The following IRAG1 variants were observed in gnomAD, a reference collection of about 807,000 sequenced individuals.
IRAG1 encodes inositol 1,4,5-triphosphate receptor associated 1.
Under a neutral mutation model 106.2 loss-of-function variants are expected in IRAG1, and 62 were observed. That is an observed-to-expected ratio of 0.58 (90% confidence interval 0.48 to 0.72). The LOEUF (loss-of-function observed/expected upper bound fraction) is 0.72. Among genes scored for constraint, IRAG1 ranks in the 30% least tolerant of loss-of-function variants. The pLI is 0.00. For missense variants in IRAG1, 1,064 were observed against 1,140.7 expected (o/e 0.93, Z 0.97); for synonymous variants, 462 against 443.9 (o/e 1.04, Z -0.51).
chr11:10,606,732 A>G lies in IRAG1; in HGVS notation c.1602+10T>C. Reference sequence around the variant, plus strand: ...GGCACTAAATTTCATAACACACTTGAGTCACTTACCTCAACTTCCTTTTCA... The same window carrying G: ...GGCACTAAATTTCATAACACACTTGGGTCACTTACCTCAACTTCCTTTTCA... On this transcript the variant is annotated intron_variant, in intron 12 of 20. Transcript: ENST00000423302. 6.3e-7 allele frequency: 1 copy of G among 1,594,346 alleles called. No homozygotes were observed. The highest frequency in any genetic ancestry group is 8.5e-7 in the Non-Finnish European group (1 of 1,169,636).
At chr11:10,627,682 C>A in intron 8 of IRAG1, 34 bp downstream of exon 8, 1 of 1,613,632 alleles carries the variant, frequency 6.2e-7, no homozygotes, top group South Asian at 1.1e-5. Flanking sequence ...CCCCCACACT[C>A]AAATCATCCA....
chr11:10,610,082 G>C (rs76620159), intron 10 of IRAG1, among the ~76,000 whole-genome samples: 124 of 152,314 alleles, frequency 8.1e-4, no homozygotes, highest in African/African-American at 2.8e-3. Context: ...TACAGAACTA[G>C]CAAATGACAT....
chr11:10,646,181 A>G (rs888897696), intron 2 of IRAG1, among the ~76,000 whole-genome samples: 1 of 152,202 alleles, frequency 6.6e-6, no homozygotes, highest in Non-Finnish European at 1.5e-5. Context: ...GTTGGCTCTG[A>G]GCCCAGCCCA....
Position 10,606,728 on chromosome 11 carries a change from C to A in IRAG1, c.1602+14G>T. Reference sequence around the variant, plus strand: ...CACGGGCACTAAATTTCATAACACACTTGAGTCACTTACCTCAACTTCCTT... The same window carrying A: ...CACGGGCACTAAATTTCATAACACAATTGAGTCACTTACCTCAACTTCCTT... On this transcript the variant is annotated intron_variant, in intron 12 of 20. Transcript: ENST00000423302. 1 of 1,593,290 alleles carries A rather than the reference C, an allele frequency of 6.3e-7. No homozygotes were observed.
intron 2 of IRAG1, 140 bp downstream of exon 2, chr11:10,651,885 C>A (rs565620105): frequency 1.9e-6 from 2 of 1,026,408 alleles, no homozygotes; most frequent in Non-Finnish European, 2.7e-6. Flanking sequence ...ATGGAAGCCA[C>A]ACACCTTCTC....
chr11:10,691,301 G>A lies in IRAG1; in HGVS notation c.67+2235C>T, dbSNP rs551843221. Among the ~76,000 whole-genome samples the A allele has an allele frequency of 9.5e-4, 144 of 152,374 alleles. 1 individual carries two copies. Among genetic ancestry groups the A allele is most frequent in the African/African-American group, 3.1e-3 (130 of 41,592 alleles). On this transcript the variant is annotated intron_variant, in intron 1 of 20. Coordinates refer to ENST00000423302, the MANE Select transcript of IRAG1 (RefSeq NM_130385.4). The stretch of plus-strand genomic sequence containing the variant: ...ATTCTGGGTGCTAGACACACAACGG[G>A]TGAGGAACGGGATAAGGTCTCCGCC...
intron 20 of IRAG1, among the ~76,000 whole-genome samples, chr11:10,579,739 G>T (rs1420044752): frequency 6.6e-6 from 1 of 152,110 alleles, no homozygotes; most frequent in Non-Finnish European, 1.5e-5. Flanking sequence ...GAGTGCCCTG[G>T]AACTAAATTA....
At chr11:10,610,767 C>T (rs1854888290) in intron 10 of IRAG1, among the ~76,000 whole-genome samples, 1 of 152,186 alleles carries the variant, frequency 6.6e-6, no homozygotes, top group Non-Finnish European at 1.5e-5. Context: ...TTTTGTGTGC[C>T]TGACTACGGG....
At chr11:10,619,112 A>G (rs1329948301) in intron 10 of IRAG1, among the ~76,000 whole-genome samples, 1 of 152,240 alleles carries the variant, frequency 6.6e-6, no homozygotes, top group Non-Finnish European at 1.5e-5. Flanking sequence ...GAACTGGCCC[A>G]CAGTCAGTCT....
At chr11:10,622,611 C>T (rs1285822246) in intron 10 of IRAG1, among the ~76,000 whole-genome samples, 1 of 152,058 alleles carries the variant, frequency 6.6e-6, no homozygotes, top group Non-Finnish European at 1.5e-5. Context: ...CTCAAGCGAT[C>T]CTCCCACCTC....
rs192795960 is a variant in IRAG1, at chr11:10,676,911, G to A, written c.67+16625C>T. Among the ~76,000 whole-genome samples, 6 of 152,336 alleles carry A rather than the reference G, an allele frequency of 3.9e-5. No homozygotes were observed. The East Asian group carries it at 1.2e-3, about 29-fold the overall frequency. On this transcript the variant is annotated intron_variant, in intron 1 of 20. Coordinates refer to ENST00000423302, the MANE Select transcript of IRAG1 (RefSeq NM_130385.4). ...GGGCGAGCGGTGTTCCTTGGCCTCT[G>A]CAGAGACGATGCCACAGCTCATCTC...
At position 10,652,016 on chromosome 11, in the gene IRAG1, G is replaced by A. The variant is rs1217420408; in HGVS notation, c.225+9C>T. 1 of 1,557,712 alleles carries A rather than the reference G, an allele frequency of 6.4e-7. No individual in the cohort carries two copies. ...CCAGGCTAGCTGAGGGCAGGGAGGG[G>A]GCACTTACTTGGCCGGCAGGGCTCT... On this transcript the variant is annotated intron_variant, in intron 2 of 20. Transcript: ENST00000423302.
At chr11:10,630,271 C>T (rs1429143561) in intron 4 of IRAG1, among the ~76,000 whole-genome samples, 5 of 152,134 alleles carry the variant, frequency 3.3e-5, no homozygotes. Context: ...CTCTTCCTCC[C>T]TCCCCCAACA....
chr11:10,626,217 C>G lies in IRAG1; in HGVS notation c.1117G>C (p.Glu373Gln). 5.0e-6 allele frequency: 8 copies of G among 1,590,678 alleles called. No homozygotes were observed. Among genetic ancestry groups the G allele is most frequent in the Non-Finnish European group, 6.9e-6 (8 of 1,166,734 alleles). The stretch of plus-strand genomic sequence containing the variant: ...GGAAGCTCAGCTTTGGAGCCAGCCT[C>G]GGGCCCCATCGGCTCTCCAGCTGGG... ...RGPAGEPMGPEAGSKAELPPT... is the reference protein window; with the variant it reads ...RGPAGEPMGPQAGSKAELPPT... The change falls in exon 9 of 21, where the codon GAG becomes CAG. Residue 373 changes from glutamate to glutamine, a missense_variant. Transcript: ENST00000423302.
intron 15 of IRAG1, chr11:10,599,933 C>T (rs1241225012): frequency 6.6e-6 from 1 of 152,234 alleles, no homozygotes; most frequent in Non-Finnish European, 1.5e-5. Flanking sequence ...TATAAACTTA[C>T]CAATGACTCC....
At chr11:10,593,971 A>C (rs763426403) in intron 16 of IRAG1, 175 bp downstream of exon 16, 10 of 637,018 alleles carry the variant, frequency 1.6e-5, no homozygotes, top group Middle Eastern at 3.2e-4. Context: ...GGAAACCATG[A>C]GCAAGAAAGG....
Position 10,657,064 on chromosome 11 carries a change from G to C in IRAG1, c.68-4882C>G, listed in dbSNP as rs973849443. Among the ~76,000 whole-genome samples, 1 of 152,142 alleles carries C rather than the reference G, an allele frequency of 6.6e-6. No individual in the cohort carries two copies. ...GCAGCAGGTGGAGGACGCGGAGGCC[G>C]GCCCTGCCTTGTAGGCTTCAAAGGC... On this transcript the variant is annotated intron_variant, in intron 1 of 20. Transcript: ENST00000423302. The surrounding 1 kb of genome is among the most constrained non-coding windows in gnomAD (Gnocchi z 4.1).
At chr11:10,680,147 C>T (rs757705455) in intron 1 of IRAG1, among the ~76,000 whole-genome samples, 2 of 151,562 alleles carry the variant, frequency 1.3e-5, no homozygotes, top group Non-Finnish European at 2.9e-5. Context: ...GTGGCGCATG[C>T]CTGTAATCCC....
chr11:10,591,249 T>C (rs745657341), intron 18 of IRAG1, among the ~76,000 whole-genome samples: 7 of 152,232 alleles, frequency 4.6e-5, no homozygotes, highest in Non-Finnish European at 8.8e-5. Flanking sequence ...TTAAGTCCCA[T>C]TGAGTTGGGG....
Sources: allele counts gnomAD v4.1 joint callset (sites outside exome capture counted in the v4.1 genomes callset), GRCh38; gene constraint gnomAD v4.1.1; non-coding constraint Gnocchi (gnomAD v3.1); transcripts MANE v1.5; gene names NCBI Gene and HGNC (gene_info 2026-07-23, HGNC 2026-07-21).